The following ANKRD36 variants were observed in gnomAD, a reference collection of about 807,000 sequenced individuals.
ANKRD36 encodes ankyrin repeat domain 36.
ANKRD36 carries 179 observed loss-of-function variants against 278.1 expected under a neutral mutation model. That is an observed-to-expected ratio of 0.64 (90% confidence interval 0.57 to 0.73). ANKRD36 has a LOEUF of 0.73. Ranked by LOEUF, ANKRD36 falls within the 30% of genes least tolerant of loss-of-function variation. The pLI is 0.00. For missense variants in ANKRD36, 1,159 were observed against 1,956.7 expected, an observed-to-expected ratio of 0.59 and a Z score of 7.69; for synonymous variants, 320 against 641.1, an observed-to-expected ratio of 0.50 and a Z score of 7.57.
intron 40 of ANKRD36, among the ~76,000 whole-genome samples, chr2:97,196,072 A>ATG (rs1226686161): frequency 6.6e-6 from 1 of 151,992 alleles, no homozygotes; most frequent in African/African-American, 2.4e-5. Context: ...AAGGTGATCA[A>ATG]TGTAGGACAC....
chr2:97,209,820 T>A lies in ANKRD36; in HGVS notation c.3315T>A (p.Asp1105Glu). ...TTCAGGCTACAAGTGACGAGAAAGA[T>A]TCTGTTTTGTATATAGCCAGAGAAA... ...PALKATSDEKDSVLYIAREKK... is the reference protein window; with the variant it reads ...PALKATSDEKESVLYIAREKK... Residue 1105 changes from aspartate (D) to glutamate (E), a missense_variant, in exon 56 of 76, where the codon GAT (aspartate) becomes GAA (glutamate). Asp to Glu is a conservative substitution (Grantham distance 45). Coordinates refer to ENST00000420699, the MANE Select transcript of ANKRD36 (RefSeq NM_001354587.1). 6 of 1,599,046 alleles carry A rather than the reference T, an allele frequency of 3.8e-6. No homozygotes were observed. Among genetic ancestry groups the A allele is most frequent in the Non-Finnish European group, 5.1e-6 (6 of 1,175,162 alleles).
At chr2:97,260,342 T>C (rs898903070) in intron 75 of ANKRD36, among the ~76,000 whole-genome samples, 1 of 83,954 alleles carries the variant, frequency 1.2e-5, no homozygotes, top group African/African-American at 5.0e-5. Context: ...AGTAATATTT[T>C]AAAAGATATA....
chr2:97,202,142 T>C (rs1424217732), intron 46 of ANKRD36, 60 bp from the exon 47 acceptor site: 8 of 1,602,782 alleles, frequency 5.0e-6, no homozygotes, highest in Non-Finnish European at 6.8e-6. Flanking sequence ...AGTGCTCGAA[T>C]GTATGGAAAT....
intron 6 of ANKRD36, among the ~76,000 whole-genome samples, chr2:97,135,132 TAC>T (rs2041166339): frequency 6.6e-6 from 1 of 152,016 alleles, no homozygotes; most frequent in Non-Finnish European, 1.5e-5. Flanking sequence ...TAGAATAGAG[TAC>T]AGTTTTCATA....
chr2:97,222,536 G>A (rs537680952), intron 66 of ANKRD36, among the ~76,000 whole-genome samples: 76 of 152,212 alleles, frequency 5.0e-4, no homozygotes, highest in African/African-American at 1.2e-3. Context: ...GAGGTGAGAC[G>A]ATACCTCATT....
intron 52 of ANKRD36, among the ~76,000 whole-genome samples, chr2:97,206,893 C>T (rs1039985300): frequency 1.3e-5 from 2 of 151,494 alleles, no homozygotes; most frequent in East Asian, 2.0e-4. Flanking sequence ...TTCAAGGAGC[C>T]ACCTCTTGGA....
chr2:97,260,379 T>TATATATATATATATATATACAC (rs1315601255), intron 75 of ANKRD36, among the ~76,000 whole-genome samples: 1 of 121,240 alleles, frequency 8.2e-6, no homozygotes, highest in African/African-American at 3.2e-5. Context: ...TATATATATA[T>TATATATATATATATATATACAC]ACACACATAT....
At position 97,226,978 on chromosome 2, in the gene ANKRD36, G is replaced by T. The variant is rs569254771; in HGVS notation, c.3951+2099G>T. On this transcript the variant is annotated intron_variant, in intron 67 of 75. Transcript: ENST00000420699. Reference sequence around the variant, plus strand: ...TCTGATGGCTCTGTTCTGTTCCATTGGTCTATATCTCTGTTTTGGTACCAG... The same window carrying T: ...TCTGATGGCTCTGTTCTGTTCCATTTGTCTATATCTCTGTTTTGGTACCAG... 5.3e-5 allele frequency among the ~76,000 whole-genome samples: 8 copies of T among 152,142 alleles called. No homozygotes were observed. The South Asian group carries it at 1.3e-3, about 24-fold the overall frequency.
intron 22 of ANKRD36, among the ~76,000 whole-genome samples, chr2:97,175,467 G>A (rs12994566): frequency 0.59 from 89,265 of 151,492 alleles, 30,516 homozygotes; most frequent in Non-Finnish European, 0.78. Context: ...GATCGGTGGT[G>A]ATATCCCCTT....
chr2:97,211,903 G>A (rs1458827301), intron 58 of ANKRD36, among the ~76,000 whole-genome samples, 162 bp downstream of exon 58: 1 of 151,870 alleles, frequency 6.6e-6, no homozygotes, highest in Non-Finnish European at 1.5e-5. Flanking sequence ...TGATGCTGTG[G>A]TCCTTGGCCA....
chr2:97,214,051 G>A (rs1007648701), intron 60 of ANKRD36, among the ~76,000 whole-genome samples: 1 of 151,372 alleles, frequency 6.6e-6, no homozygotes, highest in Non-Finnish European at 1.5e-5. Flanking sequence ...CACTGATATA[G>A]CAATGATTTT....
chr2:97,207,232 G>A (rs1279004999), intron 52 of ANKRD36, among the ~76,000 whole-genome samples: 1 of 151,440 alleles, frequency 6.6e-6, no homozygotes, highest in Non-Finnish European at 1.5e-5. Context: ...CCATATGGGG[G>A]TGAGAGATAA....
chr2:97,207,316 G>A (rs1281132882), intron 52 of ANKRD36, among the ~76,000 whole-genome samples: 1 of 151,494 alleles, frequency 6.6e-6, no homozygotes, highest in African/African-American at 2.4e-5. Flanking sequence ...CTGAAGAGAT[G>A]TGAAGTGTAC....
intron 56 of ANKRD36, among the ~76,000 whole-genome samples, chr2:97,210,249 A>T (rs1347928839): frequency 2.6e-5 from 4 of 151,852 alleles, no homozygotes; most frequent in Non-Finnish European, 5.9e-5. Flanking sequence ...CAGACAGATA[A>T]CTTGTTGTAA....
chr2:97,131,924 G>T (rs1329695292), intron 6 of ANKRD36, among the ~76,000 whole-genome samples: 2 of 151,570 alleles, frequency 1.3e-5, no homozygotes, highest in Non-Finnish European at 2.9e-5. Flanking sequence ...TGCCTCCTGG[G>T]TTCAAGCGCT....
chr2:97,195,178 C>T (rs1297320313), intron 40 of ANKRD36, among the ~76,000 whole-genome samples: 2 of 151,956 alleles, frequency 1.3e-5, no homozygotes, highest in African/African-American at 4.8e-5. Context: ...GCTCTGGGGC[C>T]CAGCATAATT....
intron 36 of ANKRD36, among the ~76,000 whole-genome samples, chr2:97,192,504 AGC>A (rs768603076): frequency 1.3e-4 from 20 of 151,888 alleles, no homozygotes; most frequent in Admixed American, 2.6e-4. Context: ...GGGATCATGT[AGC>A]ACCTGCTTTG....
Position 97,144,650 on chromosome 2 carries a change from A to T in ANKRD36, c.941A>T (p.Asp314Val), listed in dbSNP as rs2043797218. ...QKQPALKDTSDKDDSVSNTAT... is the reference protein window; with the variant it reads ...QKQPALKDTSVKDDSVSNTAT... ...TGAAATCCCACTCAGGATACAAGTG[A>T]CAAGGATGATTCTGTTTCGAACACA... The change falls in exon 10 of 76, where the codon GAC (aspartate) becomes GTC (valine). Residue 314 changes from aspartate to valine, a missense_variant. Asp to Val is a radical substitution (Grantham distance 152, BLOSUM62 -3). Transcript: ENST00000420699. 2 of 1,544,178 alleles carry T rather than the reference A, an allele frequency of 1.3e-6. No individual in the cohort carries two copies. The highest frequency in any genetic ancestry group is 4.9e-5 in the East Asian group (2 of 41,008).
intron 22 of ANKRD36, 135 bp from the exon 23 acceptor site, chr2:97,179,603 G>A (rs1462877289): frequency 1.1e-6 from 1 of 902,248 alleles, no homozygotes; most frequent in Non-Finnish European, 1.6e-6. Flanking sequence ...AAGAAACAAA[G>A]TATAAAATAT....
Sources: gnomAD v4.1 joint callset for allele counts (sites outside exome capture counted in the v4.1 genomes callset) on GRCh38, gnomAD v4.1.1 for gene constraint, MANE v1.5 for transcripts, NCBI Gene and HGNC (gene_info 2026-07-23, HGNC 2026-07-21) for gene names.